The following RORA variants were observed in gnomAD, a reference collection of about 807,000 sequenced individuals.
RORA encodes nuclear receptor ROR-alpha.
A neutral mutation model predicts 69.5 loss-of-function variants in RORA; 7 were observed. That is an observed-to-expected ratio of 0.10 (90% CI 0.06 to 0.19). The LOEUF (loss-of-function observed/expected upper bound fraction) is 0.19, where lower values mean the gene tolerates loss of function less well. RORA is among the 10% of genes least tolerant of loss of function. RORA has a pLI of 1.00. For synonymous variants in RORA, 261 were observed against 240.8 expected (o/e 1.08, Z -0.78); for missense variants, 457 against 663.0 (o/e 0.69, Z 3.41).
intron 1 of RORA, among the ~76,000 whole-genome samples, chr15:60,910,389 G>C (rs1891670252): frequency 6.6e-6 from 1 of 152,166 alleles, no homozygotes; most frequent in Non-Finnish European, 1.5e-5. Context: ...AGCCACTACT[G>C]TTTTTCTTTG....
rs2065685513 is a variant in RORA, at chr15:60,511,170, C to A, written c.820+56G>T. On this transcript the variant is annotated intron_variant, in intron 5 of 10. Coordinates refer to ENST00000335670, the MANE Select transcript of RORA (RefSeq NM_134261.3). This position sits in a 1 kb window ranked among gnomAD's most constrained non-coding sequence, Gnocchi z 6.4. ...CATTAGAGGAAAGTCAGACATACCC[C>A]TTTTACTTCAAAGGGCATGAATAGA... 6.5e-7 allele frequency: 1 copy of A among 1,540,706 alleles called. No individual in the cohort carries two copies. The highest frequency in any genetic ancestry group is 1.4e-5 in the African/African-American group (1 of 72,996).
At chr15:60,843,336 G>A (rs1426044787) in intron 1 of RORA, among the ~76,000 whole-genome samples, 4 of 152,202 alleles carry the variant, frequency 2.6e-5, no homozygotes, top group Non-Finnish European at 5.9e-5. Flanking sequence ...AGGCCTCTTA[G>A]TAGCCATAAA....
chr15:61,194,743 G>A (rs980891548), intron 1 of RORA, among the ~76,000 whole-genome samples: 12 of 152,178 alleles, frequency 7.9e-5, no homozygotes, highest in African/African-American at 2.9e-4. Context: ...AGGCTTGGAG[G>A]TTATTAGGTG....
intron 1 of RORA, among the ~76,000 whole-genome samples, chr15:60,683,782 TAAAAGGCCCCA>T (rs2070695257): frequency 6.6e-6 from 1 of 152,120 alleles, no homozygotes. Flanking sequence ...CTAAGAGGGC[TAAAAGGCCCCA>T]AAATATTCGG....
chr15:61,210,438 G>T (rs1030311181), intron 1 of RORA, among the ~76,000 whole-genome samples: 1 of 152,124 alleles, frequency 6.6e-6, no homozygotes, highest in Non-Finnish European at 1.5e-5. Context: ...AGGGAAAAAA[G>T]ATTCCATTTC....
At chr15:61,079,142 A>T (rs1417773652) in intron 1 of RORA, among the ~76,000 whole-genome samples, 3 of 152,212 alleles carry the variant, frequency 2.0e-5, no homozygotes, top group African/African-American at 4.8e-5. Flanking sequence ...AAAGAAAAAA[A>T]AAAGTACTAG....
intron 1 of RORA, among the ~76,000 whole-genome samples, chr15:60,731,910 G>A (rs1016748073): frequency 4.6e-5 from 7 of 152,162 alleles, no homozygotes; most frequent in Non-Finnish European, 7.4e-5. Flanking sequence ...TGCAGAGGAG[G>A]ACACGTCCCA....
chr15:60,578,652 A>G (rs1250479622), intron 2 of RORA, among the ~76,000 whole-genome samples: 1 of 152,180 alleles, frequency 6.6e-6, no homozygotes, highest in African/African-American at 2.4e-5. Flanking sequence ...GAAGTGCTTT[A>G]TGCAAACTTC....
At chr15:60,854,533 C>T (rs2073360580) in intron 1 of RORA, among the ~76,000 whole-genome samples, 1 of 152,094 alleles carries the variant, frequency 6.6e-6, no homozygotes, top group South Asian at 2.1e-4. Flanking sequence ...ATATATAAAA[C>T]ACTAAAGGAA....
intron 1 of RORA, among the ~76,000 whole-genome samples, chr15:60,919,885 C>A (rs1001277987): frequency 1.3e-5 from 2 of 152,138 alleles, no homozygotes; most frequent in African/African-American, 4.8e-5. Context: ...GTAGGGCTGT[C>A]AACTAATCAA....
intron 2 of RORA, among the ~76,000 whole-genome samples, chr15:60,559,252 AC>A (rs1014243532): frequency 6.6e-6 from 1 of 152,128 alleles, no homozygotes; most frequent in African/African-American, 2.4e-5. Context: ...TTTTGCCCCA[AC>A]ACTAAATGGC....
At chr15:60,860,369 C>G (rs116771689) in intron 1 of RORA, among the ~76,000 whole-genome samples, 1 of 152,148 alleles carries the variant, frequency 6.6e-6, no homozygotes, top group Non-Finnish European at 1.5e-5. Context: ...TCAAAAGTTG[C>G]GAGAAACTTG....
intron 1 of RORA, among the ~76,000 whole-genome samples, chr15:60,847,296 G>A (rs1284827170): frequency 5.3e-5 from 8 of 152,106 alleles, no homozygotes; most frequent in African/African-American, 1.9e-4. Flanking sequence ...AACAGAGACA[G>A]GGTGTTTCTC....
At chr15:61,212,499 G>A (rs574671599) in intron 1 of RORA, among the ~76,000 whole-genome samples, 7 of 152,136 alleles carry the variant, frequency 4.6e-5, no homozygotes, top group African/African-American at 1.7e-4. Flanking sequence ...TCCCAGGTTC[G>A]GGTGATTCTC....
intron 1 of RORA, among the ~76,000 whole-genome samples, chr15:60,974,815 C>T (rs957448601): frequency 2.0e-5 from 3 of 152,194 alleles, no homozygotes; most frequent in African/African-American, 4.8e-5. Flanking sequence ...GTAACTTTTC[C>T]TGAAGGAGGG....
chr15:60,845,204 C>A (rs1033156985), intron 1 of RORA, among the ~76,000 whole-genome samples: 1 of 152,210 alleles, frequency 6.6e-6, no homozygotes, highest in African/African-American at 2.4e-5. Context: ...TATGTGAAGG[C>A]TCATTTGCTG....
intron 1 of RORA, among the ~76,000 whole-genome samples, chr15:61,193,794 C>T (rs28611274): frequency 0.15 from 22,387 of 152,168 alleles, 2,282 homozygotes; most frequent in African/African-American, 0.27. Context: ...CAAGGTCACA[C>T]GAATAGTGAC....
At chr15:60,828,252 C>G (rs1334175759) in intron 1 of RORA, among the ~76,000 whole-genome samples, 2 of 152,124 alleles carry the variant, frequency 1.3e-5, no homozygotes, top group Non-Finnish European at 2.9e-5. Flanking sequence ...ATCCTTTCAG[C>G]CTTGACTCAG....
chr15:60,807,419 T>C (rs1421345619), intron 1 of RORA, among the ~76,000 whole-genome samples: 1 of 152,080 alleles, frequency 6.6e-6, no homozygotes, highest in Non-Finnish European at 1.5e-5. Flanking sequence ...CTGAAAGAAA[T>C]CATAGATGAC....
Sources: gnomAD v4.1 joint callset for allele counts (sites outside exome capture counted in the v4.1 genomes callset) on GRCh38, gnomAD v4.1.1 for gene constraint, Gnocchi (gnomAD v3.1) non-coding constraint, MANE v1.5 for transcripts, NCBI Gene and HGNC (gene_info 2026-07-23, HGNC 2026-07-21) for gene names.